The following UNC5D variants were observed in gnomAD, a reference collection of about 807,000 sequenced individuals.
UNC5D encodes the protein unc-5 netrin receptor D.
A neutral mutation model predicts 105.4 loss-of-function variants in UNC5D; 39 were observed. The observed-to-expected ratio is 0.37, with a 90% CI of 0.29 to 0.48. UNC5D has a LOEUF of 0.48. Among genes scored for constraint, UNC5D ranks in the 20% least tolerant of loss-of-function variants. UNC5D has a pLI of 0.98. For synonymous variants in UNC5D, 452 were observed against 450.4 expected (o/e 1.00, Z -0.04); for missense variants, 991 against 1,202.4 (o/e 0.82, Z 2.60).
intron 1 of UNC5D, among the ~76,000 whole-genome samples, chr8:35,491,282 AT>A (rs1811200115): frequency 6.6e-6 from 1 of 152,104 alleles, no homozygotes. Context: ...AGGATGTGTG[AT>A]TATTTATTTG....
chr8:35,773,173 T>C (rs1301198153), intron 15 of UNC5D, among the ~76,000 whole-genome samples: 1 of 152,228 alleles, frequency 6.6e-6, no homozygotes, highest in East Asian at 1.9e-4. Flanking sequence ...TTTTCAGTCC[T>C]TAAAATTCTG....
intron 16 of UNC5D, among the ~76,000 whole-genome samples, chr8:35,775,638 C>G (rs1802211649): frequency 6.6e-6 from 1 of 151,018 alleles, no homozygotes; most frequent in South Asian, 2.1e-4. Context: ...ACCTTATTTT[C>G]TTACTGTTTG....
intron 1 of UNC5D, among the ~76,000 whole-genome samples, chr8:35,317,411 G>T (rs1369409817): frequency 6.6e-6 from 1 of 152,054 alleles, no homozygotes; most frequent in African/African-American, 2.4e-5. Flanking sequence ...GGCCACAATG[G>T]CTATTACGAA....
At position 35,535,468 on chromosome 8, in the gene UNC5D, G is replaced by A. The variant is rs181618642; in HGVS notation, c.104-13824G>A. On this transcript the variant is annotated intron_variant, in intron 1 of 16. Coordinates refer to ENST00000404895, the MANE Select transcript of UNC5D (RefSeq NM_080872.4). ...TTTTTTAATTTTTTTTTTAAGCTCC[G>A]TAAGTCAAATGCCAAAATCTTGAGG... Among the ~76,000 whole-genome samples the A allele has an allele frequency of 6.7e-5, 10 of 149,180 alleles. No homozygotes were observed. In the East Asian group the frequency reaches 7.9e-4, roughly 12 times the overall value.
At chr8:35,372,814 C>T (rs1162696148) in intron 1 of UNC5D, among the ~76,000 whole-genome samples, 1 of 151,856 alleles carries the variant, frequency 6.6e-6, no homozygotes, top group Non-Finnish European at 1.5e-5. Context: ...TTTACCCAGG[C>T]TGGTGTCAAA....
chr8:35,623,924 CA>C (rs1396436677), intron 4 of UNC5D, among the ~76,000 whole-genome samples: 1 of 151,982 alleles, frequency 6.6e-6, no homozygotes, highest in East Asian at 1.9e-4. Flanking sequence ...ACTAAAGATA[CA>C]AAAAATTAGC....
At chr8:35,677,104 G>A (rs541349336) in intron 4 of UNC5D, among the ~76,000 whole-genome samples, 36 of 152,124 alleles carry the variant, frequency 2.4e-4, no homozygotes, top group East Asian at 9.7e-4. Flanking sequence ...TGCGGTCTAC[G>A]TTTTGCCACG....
chr8:35,656,616 C>T (rs998551020), intron 4 of UNC5D, among the ~76,000 whole-genome samples: 4 of 152,090 alleles, frequency 2.6e-5, no homozygotes, highest in African/African-American at 7.2e-5. Flanking sequence ...CTCCGTAATG[C>T]AAACCTTAAC....
chr8:35,287,839 T>C lies in UNC5D; in HGVS notation c.103+51952T>C, dbSNP rs923803848. On this transcript the variant is annotated intron_variant, in intron 1 of 16. Coordinates refer to ENST00000404895, the MANE Select transcript of UNC5D (RefSeq NM_080872.4). The stretch of plus-strand genomic sequence containing the variant: ...ACTAAATAATAAATAAATAAATAAA[T>C]ATACTTTAAAGCAGATTTAAGCAGC... Among the ~76,000 whole-genome samples, 4 of 151,838 alleles carry C rather than the reference T, an allele frequency of 2.6e-5. No homozygotes were observed. In the East Asian group the frequency reaches 7.7e-4, roughly 29 times the overall value.
intron 1 of UNC5D, among the ~76,000 whole-genome samples, chr8:35,547,871 G>A (rs888617358): frequency 1.3e-5 from 2 of 152,050 alleles, no homozygotes; most frequent in Non-Finnish European, 2.9e-5. Flanking sequence ...ATTGACTCAC[G>A]ATCACAAGGT....
chr8:35,534,236 G>A (rs1364982777), intron 1 of UNC5D, among the ~76,000 whole-genome samples: 2 of 152,096 alleles, frequency 1.3e-5, no homozygotes, highest in Admixed American at 1.3e-4. Context: ...TTTTTTTGAT[G>A]AGCAACTCGT....
intron 1 of UNC5D, among the ~76,000 whole-genome samples, chr8:35,507,202 C>T (rs1235786703): frequency 6.6e-6 from 1 of 150,626 alleles, no homozygotes; most frequent in Non-Finnish European, 1.5e-5. Flanking sequence ...ACTACAGGCG[C>T]CCGCCACTAC....
intron 4 of UNC5D, among the ~76,000 whole-genome samples, chr8:35,603,115 C>G (rs1820012533): frequency 6.6e-6 from 1 of 152,046 alleles, no homozygotes; most frequent in Non-Finnish European, 1.5e-5. Flanking sequence ...TCTTGCTTCT[C>G]TAGTTCTTTT....
intron 1 of UNC5D, among the ~76,000 whole-genome samples, chr8:35,268,506 G>A (rs1805049588): frequency 6.6e-6 from 1 of 152,072 alleles, no homozygotes; most frequent in South Asian, 2.1e-4. Context: ...AAGTACTATT[G>A]CATATTAAAT....
At chr8:35,239,852 A>G (rs914938096) in intron 1 of UNC5D, among the ~76,000 whole-genome samples, 1 of 152,186 alleles carries the variant, frequency 6.6e-6, no homozygotes, top group Non-Finnish European at 1.5e-5. Flanking sequence ...TATTCTATGT[A>G]GAGACACTTA....
chr8:35,729,571 A>G (rs1213810399), intron 10 of UNC5D, among the ~76,000 whole-genome samples: 2 of 152,224 alleles, frequency 1.3e-5, no homozygotes, highest in African/African-American at 4.8e-5. Flanking sequence ...TCAAACTAAG[A>G]GAAGACAGAA....
intron 4 of UNC5D, among the ~76,000 whole-genome samples, chr8:35,614,441 C>T (rs1820884711): frequency 6.6e-6 from 1 of 152,042 alleles, no homozygotes; most frequent in African/African-American, 2.4e-5. Context: ...TTTGGTGCAG[C>T]CAAAGCAGAA....
At chr8:35,422,138 A>G (rs779670992) in intron 1 of UNC5D, among the ~76,000 whole-genome samples, 1 of 151,974 alleles carries the variant, frequency 6.6e-6, no homozygotes, top group Non-Finnish European at 1.5e-5. Flanking sequence ...CCCATCTCAC[A>G]CTCTCCGAGC....
chr8:35,522,674 G>C (rs953650516), intron 1 of UNC5D, among the ~76,000 whole-genome samples: 1 of 152,156 alleles, frequency 6.6e-6, no homozygotes, highest in Non-Finnish European at 1.5e-5. Context: ...AACTACTTCA[G>C]TGAACCTAGA....
Sources: gnomAD v4.1 joint callset for allele counts (sites outside exome capture counted in the v4.1 genomes callset) on GRCh38, gnomAD v4.1.1 for gene constraint, MANE v1.5 for transcripts, NCBI Gene and HGNC (gene_info 2026-07-23, HGNC 2026-07-21) for gene names.